Variants in ACACA observed in about 807,000 individuals in gnomAD.
ACACA encodes acetyl-CoA carboxylase 1.
In ACACA, 103 loss-of-function variants were observed where a neutral mutation model predicts 296.1. The ratio of observed to expected loss-of-function variants is 0.35; its 90% confidence interval spans 0.30 to 0.41. The LOEUF (loss-of-function observed/expected upper bound fraction) is 0.41, where lower values mean the gene tolerates loss of function less well. Among genes scored for constraint, ACACA ranks in the 10% least tolerant of loss-of-function variants. ACACA has a pLI of 1.00. For synonymous variants in ACACA, 953 were observed against 1,038.6 expected (o/e 0.92, Z 1.58); for missense variants, 1,554 against 2,989.7 (o/e 0.52, Z 11.20).
At chr17:37,154,288 C>T (rs1271970978) in intron 43 of ACACA, among the ~76,000 whole-genome samples, 2 of 151,936 alleles carry the variant, frequency 1.3e-5, no homozygotes, top group Non-Finnish European at 2.9e-5. Flanking sequence ...GCCTAGGCAA[C>T]AGAGTAAAAC....
chr17:37,175,160 G>A (rs774720396), intron 41 of ACACA, among the ~76,000 whole-genome samples: 1 of 152,118 alleles, frequency 6.6e-6, no homozygotes, highest in Non-Finnish European at 1.5e-5. Flanking sequence ...GGTCTAGTTC[G>A]CAGAGCTGAT....
At chr17:37,298,488 C>T (rs1460137780) in intron 3 of ACACA, among the ~76,000 whole-genome samples, 2 of 152,026 alleles carry the variant, frequency 1.3e-5, no homozygotes, top group African/African-American at 4.8e-5. Context: ...TTGAGACTAG[C>T]CTGGGCAACA....
chr17:37,398,308 C>A lies in ACACA; in HGVS notation c.38+7954G>T, dbSNP rs866283133. ...TTTTTTTTTTTTTTTTTTTTTGAGACGAAGTTTCGCTCTTGTTGCCCAGGC... is the reference window on the plus strand; with the variant it reads ...TTTTTTTTTTTTTTTTTTTTTGAGAAGAAGTTTCGCTCTTGTTGCCCAGGC... On this transcript the variant is annotated intron_variant, in intron 1 of 55. Coordinates refer to ENST00000616317, the MANE Select transcript of ACACA (RefSeq NM_198834.3). Among the ~76,000 whole-genome samples, 417 of 97,548 alleles carry A rather than the reference C, an allele frequency of 4.3e-3. 2 individuals carry two copies. Among genetic ancestry groups the A allele is most frequent in the Non-Finnish European group, 6.2e-3 (322 of 51,966 alleles). 64.0% of individuals were successfully genotyped at this position (97,548 alleles called of 152,430 possible). A position where few individuals can be genotyped will look rare whatever the true frequency, so the allele number is the denominator to read the frequency against.
intron 2 of ACACA, among the ~76,000 whole-genome samples, chr17:37,339,179 T>C (rs990452224): frequency 6.6e-6 from 1 of 152,210 alleles, no homozygotes; most frequent in African/African-American, 2.4e-5. Context: ...CAGAAGATAA[T>C]GGGTGCCTTC....
In ACACA at chr17:37,249,615, G is replaced by A. The variant is rs561381603; in HGVS notation, c.2082-941C>T. 2.5e-4 allele frequency among the ~76,000 whole-genome samples: 38 copies of A among 152,184 alleles called. 1 individual carries two copies. Among genetic ancestry groups the A allele is most frequent in the African/African-American group, 5.3e-4 (22 of 41,508 alleles). Reference sequence around the variant, plus strand: ...TTTACTTAATGATTAGTGATGTTGCGCATGTTTTCACATGTGGAACAAAAC... The same window carrying A: ...TTTACTTAATGATTAGTGATGTTGCACATGTTTTCACATGTGGAACAAAAC... On this transcript the variant is annotated intron_variant, in intron 16 of 55. Coordinates refer to ENST00000616317, the MANE Select transcript of ACACA (RefSeq NM_198834.3).
At chr17:37,397,766 CA>C (rs540541028) in intron 1 of ACACA, among the ~76,000 whole-genome samples, 2 of 152,042 alleles carry the variant, frequency 1.3e-5, no homozygotes, top group Non-Finnish European at 2.9e-5. Flanking sequence ...ATTTCAGATC[CA>C]AAAAGTCTTT....
At chr17:37,330,758 G>A (rs549631059) in intron 2 of ACACA, among the ~76,000 whole-genome samples, 6 of 152,330 alleles carry the variant, frequency 3.9e-5, no homozygotes, top group African/African-American at 1.4e-4. Flanking sequence ...GTAGGAAAAA[G>A]CTGCTTGTTG....
At chr17:37,156,427 T>C (rs1016859097) in intron 42 of ACACA, among the ~76,000 whole-genome samples, 1 of 152,200 alleles carries the variant, frequency 6.6e-6, no homozygotes, top group Non-Finnish European at 1.5e-5. Context: ...CTATTAAAGA[T>C]ATCAACATGT....
intron 9 of ACACA, among the ~76,000 whole-genome samples, chr17:37,272,066 T>C (rs2082095139): frequency 6.6e-6 from 1 of 151,876 alleles, no homozygotes; most frequent in Non-Finnish European, 1.5e-5. Context: ...TCACCAGGCC[T>C]GGCCCAGTGC....
At position 37,085,991 on chromosome 17, in the gene ACACA, G is replaced by A. The variant is rs2072172192; in HGVS notation, c.*1325C>T. ...AGAGGAATCAGTAAGTTCTTTTCTT[G>A]AATAAACTAGTTGTTGAAAGTAAAC... On this transcript the variant is annotated 3_prime_UTR_variant, in exon 56 of 56. Coordinates refer to ENST00000616317, the MANE Select transcript of ACACA (RefSeq NM_198834.3). 2.6e-6 allele frequency: 1 copy of A among 387,796 alleles called. No homozygotes were observed. Among genetic ancestry groups the A allele is most frequent in the Non-Finnish European group, 4.6e-6 (1 of 218,904 alleles). 24.0% of individuals were successfully genotyped at this position (387,796 alleles called of 1,614,324 possible).
intron 52 of ACACA, among the ~76,000 whole-genome samples, chr17:37,107,096 C>T (rs1405781046): frequency 6.6e-6 from 1 of 152,166 alleles, no homozygotes; most frequent in African/African-American, 2.4e-5. Context: ...TATTTCTCAT[C>T]AGCCTCCTTA....
At chr17:37,167,472 C>T (rs893147007) in intron 41 of ACACA, among the ~76,000 whole-genome samples, 3 of 150,608 alleles carry the variant, frequency 2.0e-5, no homozygotes, top group African/African-American at 7.3e-5. Flanking sequence ...GCACGTAACA[C>T]CACGCCCGGC....
intron 35 of ACACA, among the ~76,000 whole-genome samples, chr17:37,196,058 C>T (rs926473398): frequency 5.9e-5 from 9 of 152,076 alleles, no homozygotes; most frequent in Admixed American, 2.0e-4. Context: ...CAAGACACCC[C>T]GCAAATCAGA....
At chr17:37,124,499 T>C (rs543351243) in intron 48 of ACACA, among the ~76,000 whole-genome samples, 2 of 152,290 alleles carry the variant, frequency 1.3e-5, no homozygotes, top group Admixed American at 6.5e-5. Flanking sequence ...GAGACAAATC[T>C]CAAAAAAGTT....
At chr17:37,200,341 G>T in intron 34 of ACACA, 86 bp downstream of exon 34, 1 of 1,412,054 alleles carries the variant, frequency 7.1e-7, no homozygotes, top group South Asian at 1.2e-5. Context: ...AATCCTATTA[G>T]TAAGTATAAG....
At chr17:37,191,798 G>A (rs2145100387) in intron 37 of ACACA, among the ~76,000 whole-genome samples, 1 of 150,216 alleles carries the variant, frequency 6.7e-6, no homozygotes, top group South Asian at 2.1e-4. Flanking sequence ...TTTCTTGAGT[G>A]TTATTATGCT....
In ACACA at chr17:37,151,309, T is replaced by C; in HGVS notation, c.5560A>G (p.Ile1854Val). 1.2e-6 allele frequency: 2 copies of C among 1,614,048 alleles called. No homozygotes were observed. Among genetic ancestry groups the C allele is most frequent in the Non-Finnish European group, 1.7e-6 (2 of 1,180,006 alleles). Residue 1854 changes from isoleucine (I) to valine (V), a missense_variant, in exon 44 of 56, where the codon ATC (isoleucine) becomes GTC (valine). Ile to Val is a conservative substitution (Grantham distance 29, BLOSUM62 3). This residue lies in a region of ACACA where 553 missense variants were observed against 1,043.6 expected (regional missense o/e 0.53). Transcript: ENST00000616317. ...ATTCTGGAAAGATTTACCAGGCTGA[T>C]GGTAATGATCTCATTATAGGCCAAT... ...SSLAYNEIIT[I>V]SLVTCRAIGI... is the part of the protein sequence containing the mutation.
At chr17:37,243,287 G>T in intron 22 of ACACA, 84 bp downstream of exon 22, 1 of 1,407,336 alleles carries the variant, frequency 7.1e-7, no homozygotes, top group Non-Finnish European at 1.0e-6. Context: ...CAAAAAGTAA[G>T]GAGGATCCAA....
At chr17:37,401,273 A>G (rs2051279473) in intron 1 of ACACA, among the ~76,000 whole-genome samples, 1 of 146,792 alleles carries the variant, frequency 6.8e-6, no homozygotes, top group Non-Finnish European at 1.5e-5. Context: ...GCTCACTGCA[A>G]CCTCCGCCTC....
Sources: gnomAD v4.1 joint callset for allele counts (sites outside exome capture counted in the v4.1 genomes callset) on GRCh38, gnomAD v4.1.1 for gene constraint, gnomAD v4.1.1 regional missense constraint, MANE v1.5 for transcripts, NCBI Gene and HGNC (gene_info 2026-07-23, HGNC 2026-07-21) for gene names.